The following SPAG16 variants were observed in gnomAD, a reference collection of about 807,000 sequenced individuals.
The protein encoded by SPAG16 is sperm-associated antigen 16 protein.
SPAG16 carries 86 observed loss-of-function variants against 80.4 expected under a neutral mutation model. That is an observed-to-expected ratio of 1.07 (90% CI 0.90 to 1.28). SPAG16 has a LOEUF of 1.28. SPAG16 is among the 50% of genes most tolerant of loss of function. The pLI is 0.00. For missense variants in SPAG16, 870 were observed against 765.3 expected (o/e 1.14, Z -1.61); for synonymous variants, 294 against 265.9 (o/e 1.11, Z -1.03).
At chr2:213,392,067 A>G (rs577376293) in intron 9 of SPAG16, among the ~76,000 whole-genome samples, 11 of 152,334 alleles carry the variant, frequency 7.2e-5, no homozygotes, top group African/African-American at 2.6e-4. Context: ...TATCTTTATC[A>G]TAACACCTGC....
intron 9 of SPAG16, among the ~76,000 whole-genome samples, chr2:213,448,147 ACAGT>A (rs2071456257): frequency 6.6e-6 from 1 of 152,234 alleles, no homozygotes; most frequent in South Asian, 2.1e-4. Flanking sequence ...ATGATTTAAG[ACAGT>A]CTGTTATTTG....
chr2:213,787,341 TATAA>T (rs1293274454), intron 10 of SPAG16, among the ~76,000 whole-genome samples: 1 of 152,158 alleles, frequency 6.6e-6, no homozygotes, highest in Non-Finnish European at 1.5e-5. Flanking sequence ...AACTATAAGA[TATAA>T]ATAAATAGAC....
chr2:214,041,124 C>T (rs1332845257), intron 13 of SPAG16, among the ~76,000 whole-genome samples: 2 of 150,774 alleles, frequency 1.3e-5, no homozygotes, highest in African/African-American at 2.4e-5. Flanking sequence ...TTGGGTATCT[C>T]GTAATTTACT....
At chr2:214,192,238 C>T (rs1181202843) in intron 15 of SPAG16, among the ~76,000 whole-genome samples, 2 of 152,076 alleles carry the variant, frequency 1.3e-5, no homozygotes, top group South Asian at 2.1e-4. Flanking sequence ...AAGGAAGGCA[C>T]GCAAATGATT....
intron 10 of SPAG16, among the ~76,000 whole-genome samples, chr2:213,584,124 A>G (rs1401585388): frequency 6.6e-6 from 1 of 152,188 alleles, no homozygotes. Context: ...ATGACCCCCT[A>G]ACATGTAGTA....
intron 7 of SPAG16, among the ~76,000 whole-genome samples, chr2:213,357,808 G>A (rs566850351): frequency 2.6e-5 from 4 of 152,252 alleles, no homozygotes; most frequent in Non-Finnish European, 4.4e-5. Context: ...TATGATGTTC[G>A]CTGGTTATTT....
intron 15 of SPAG16, among the ~76,000 whole-genome samples, chr2:214,154,422 TCCACAATCGGAA>T: frequency 6.6e-6 from 1 of 151,520 alleles, no homozygotes; most frequent in South Asian, 2.1e-4. Flanking sequence ...CATTATGTTC[TCCACAATCGGAA>T]CCACAATAGA....
chr2:213,788,848 A>T (rs1357998961), intron 10 of SPAG16, among the ~76,000 whole-genome samples: 1 of 126,926 alleles, frequency 7.9e-6, no homozygotes, highest in Non-Finnish European at 1.7e-5. Context: ...CATTGATGAT[A>T]TACTTGTGTG....
intron 15 of SPAG16, among the ~76,000 whole-genome samples, chr2:214,257,362 CTTTA>C (rs1258673141): frequency 2.0e-5 from 3 of 151,892 alleles, no homozygotes; most frequent in African/African-American, 4.8e-5. Context: ...CTTGTTGTGA[CTTTA>C]TTTATTTCTT....
chr2:214,108,483 C>CCCCCA (rs1553719356), intron 14 of SPAG16, among the ~76,000 whole-genome samples: 5 of 127,264 alleles, frequency 3.9e-5, no homozygotes, highest in South Asian at 2.4e-4. Context: ...ACACACACCC[C>CCCCCA]CACACACACC....
At chr2:213,456,482 A>G (rs2072019146) in intron 9 of SPAG16, among the ~76,000 whole-genome samples, 1 of 152,212 alleles carries the variant, frequency 6.6e-6, no homozygotes, top group African/African-American at 2.4e-5. Context: ...TGTTTTGAAA[A>G]GTTATCATTC....
chr2:214,302,768 CCA>C (rs1694647922), intron 15 of SPAG16, among the ~76,000 whole-genome samples: 1 of 152,152 alleles, frequency 6.6e-6, no homozygotes, highest in African/African-American at 2.4e-5. Flanking sequence ...CAGGTGTGAG[CCA>C]CCGCGCCTGG....
At chr2:214,232,116 T>C (rs1559143833) in intron 15 of SPAG16, among the ~76,000 whole-genome samples, 1 of 151,988 alleles carries the variant, frequency 6.6e-6, no homozygotes, top group Non-Finnish European at 1.5e-5. Flanking sequence ...TAACAGCTAT[T>C]TTTGTTACAT....
chr2:213,481,027 C>T (rs2073721956), intron 9 of SPAG16, among the ~76,000 whole-genome samples: 1 of 152,124 alleles, frequency 6.6e-6, no homozygotes, highest in Non-Finnish European at 1.5e-5. Flanking sequence ...GGAAGCCCGC[C>T]AACTAAAGAA....
At chr2:213,917,661 A>G (rs547262326) in intron 11 of SPAG16, among the ~76,000 whole-genome samples, 15 of 152,184 alleles carry the variant, frequency 9.9e-5, no homozygotes, top group Admixed American at 3.3e-4. Context: ...TTGTCAGATC[A>G]GGGAACTTTT....
At chr2:213,957,159 G>T (rs2044189209) in intron 12 of SPAG16, among the ~76,000 whole-genome samples, 1 of 151,746 alleles carries the variant, frequency 6.6e-6, no homozygotes, top group African/African-American at 2.4e-5. Flanking sequence ...TGATGTTTAT[G>T]TTCTCTTCTC....
intron 13 of SPAG16, among the ~76,000 whole-genome samples, chr2:214,086,597 C>T (rs531479554): frequency 6.6e-6 from 1 of 152,058 alleles, no homozygotes; most frequent in Non-Finnish European, 1.5e-5. Context: ...TGAAGAGATG[C>T]CTTCCACCGT....
At chr2:213,331,089 C>G (rs537639148) in intron 5 of SPAG16, among the ~76,000 whole-genome samples, 35 of 152,338 alleles carry the variant, frequency 2.3e-4, no homozygotes, top group Admixed American at 2.1e-3. Context: ...ACCTCTCCAT[C>G]TATCAGGGGT....
intron 15 of SPAG16, among the ~76,000 whole-genome samples, chr2:214,149,628 AG>A (rs1465997307): frequency 1.3e-5 from 2 of 152,112 alleles, no homozygotes; most frequent in Non-Finnish European, 2.9e-5. Flanking sequence ...GAAGAACAAA[AG>A]TTTAGCAAAA....
Sources: gnomAD v4.1 joint callset for allele counts (sites outside exome capture counted in the v4.1 genomes callset) on GRCh38, gnomAD v4.1.1 for gene constraint, MANE v1.5 for transcripts, NCBI Gene and HGNC (gene_info 2026-07-23, HGNC 2026-07-21) for gene names.